The following RNF220 variants were observed in gnomAD, a reference collection of about 807,000 sequenced individuals.
RNF220 encodes the protein E3 ubiquitin-protein ligase RNF220.
RNF220 carries 7 observed loss-of-function variants against 67.1 expected under a neutral mutation model. The observed-to-expected ratio is 0.10, with a 90% CI of 0.06 to 0.20. RNF220 has a LOEUF of 0.20. RNF220 is among the 10% of genes least tolerant of loss of function. RNF220 has a pLI of 1.00. For synonymous variants in RNF220, 270 were observed against 283.2 expected (o/e 0.95, Z 0.47); for missense variants, 565 against 740.3 (o/e 0.76, Z 2.75).
chr1:44,524,403 G>C (rs1043138594), intron 2 of RNF220, among the ~76,000 whole-genome samples: 1 of 152,054 alleles, frequency 6.6e-6, no homozygotes, highest in Admixed American at 6.5e-5. Context: ...AGAGTGAAAG[G>C]CCGGTCCCTA....
chr1:44,478,829 A>G (rs1442148140), intron 2 of RNF220, among the ~76,000 whole-genome samples: 2 of 152,156 alleles, frequency 1.3e-5, no homozygotes, highest in African/African-American at 4.8e-5. Context: ...GGGGTTGAGA[A>G]TGCTCTCTGA....
At chr1:44,453,124 G>T (rs1025787800) in intron 2 of RNF220, among the ~76,000 whole-genome samples, 1 of 152,134 alleles carries the variant, frequency 6.6e-6, no homozygotes, top group South Asian at 2.1e-4. Context: ...TTTGGTTATA[G>T]TTGGTGTATA....
chr1:44,518,898 A>C (rs948728835), intron 2 of RNF220, among the ~76,000 whole-genome samples: 4 of 152,058 alleles, frequency 2.6e-5, no homozygotes, highest in East Asian at 1.9e-4. Flanking sequence ...ACAAAAAAAA[A>C]AAAACTTAAT....
At chr1:44,632,168 G>A (rs755693034) in intron 5 of RNF220, 175 bp from the exon 6 acceptor site, 16 of 1,558,974 alleles carry the variant, frequency 1.0e-5, no homozygotes, top group Admixed American at 3.8e-5. Flanking sequence ...CCGAGAGCCC[G>A]GAGCGGCCGG....
intron 2 of RNF220, among the ~76,000 whole-genome samples, chr1:44,429,655 T>A (rs1351383655): frequency 6.6e-6 from 1 of 152,042 alleles, no homozygotes; most frequent in Non-Finnish European, 1.5e-5. Context: ...AAGATGGAGG[T>A]GGGAAGATGG....
At chr1:44,439,750 C>A (rs952011695) in intron 2 of RNF220, among the ~76,000 whole-genome samples, 4 of 152,066 alleles carry the variant, frequency 2.6e-5, no homozygotes, top group African/African-American at 9.7e-5. Flanking sequence ...AGATAGTCCC[C>A]AGTTTTGGAA....
chr1:44,564,335 G>A (rs547114225), intron 2 of RNF220, among the ~76,000 whole-genome samples: 12 of 152,152 alleles, frequency 7.9e-5, no homozygotes, highest in African/African-American at 2.4e-4. Context: ...AGTTAGGTGG[G>A]GCTTTTTAAA....
chr1:44,601,575 T>C (rs1402262948), intron 2 of RNF220, among the ~76,000 whole-genome samples: 1 of 152,126 alleles, frequency 6.6e-6, no homozygotes, highest in African/African-American at 2.4e-5. Flanking sequence ...AGGATGCCTG[T>C]TCCACTGAAA....
intron 2 of RNF220, among the ~76,000 whole-genome samples, chr1:44,413,214 C>T (rs1648160698): frequency 6.6e-6 from 1 of 152,196 alleles, no homozygotes; most frequent in Non-Finnish European, 1.5e-5. Flanking sequence ...CCCTTGTCCA[C>T]ATCAGGCTAT....
At position 44,417,993 on chromosome 1, in the gene RNF220, G is replaced by C. The variant is rs958899259; in HGVS notation, c.625+5271G>C. Reference sequence around the variant, plus strand: ...GCGGCCGCACACACGAGGGCCCGTCGCGCCCCCCGCCCTGCCCCGCCTCGC... The same window carrying C: ...GCGGCCGCACACACGAGGGCCCGTCCCGCCCCCCGCCCTGCCCCGCCTCGC... On this transcript the variant is annotated intron_variant, in intron 2 of 14. Transcript: ENST00000361799. This position sits in a 1 kb window ranked among gnomAD's most constrained non-coding sequence, Gnocchi z 4.0. 9.2e-5 allele frequency among the ~76,000 whole-genome samples: 14 copies of C among 151,804 alleles called. No homozygotes were observed. The highest frequency in any genetic ancestry group is 2.7e-4 in the African/African-American group (11 of 41,340).
intron 2 of RNF220, among the ~76,000 whole-genome samples, chr1:44,449,307 A>G (rs1363513735): frequency 1.3e-5 from 2 of 152,194 alleles, no homozygotes; most frequent in Non-Finnish European, 2.9e-5. Context: ...GTTAGCTATT[A>G]TCATCCATAA....
At chr1:44,537,383 G>A (rs1199011889) in intron 2 of RNF220, among the ~76,000 whole-genome samples, 1 of 152,054 alleles carries the variant, frequency 6.6e-6, no homozygotes, top group Non-Finnish European at 1.5e-5. Context: ...CTTAATGTGT[G>A]TGTGTGTGTC....
At chr1:44,631,908 C>G (rs1314893107) in intron 5 of RNF220, 1 of 986,326 alleles carries the variant, frequency 1.0e-6, no homozygotes, top group Non-Finnish European at 1.2e-6. Flanking sequence ...TCTGTCCGGC[C>G]GCCCCCGCCG....
At chr1:44,593,011 G>A (rs370521565) in intron 2 of RNF220, among the ~76,000 whole-genome samples, 1 of 152,284 alleles carries the variant, frequency 6.6e-6, no homozygotes, top group South Asian at 2.1e-4. Context: ...TGGGGGGGAT[G>A]GGCCCAGAGC....
At chr1:44,405,706 T>C (rs1165594909) in intron 1 of RNF220, among the ~76,000 whole-genome samples, 176 bp downstream of exon 1, 1 of 151,960 alleles carries the variant, frequency 6.6e-6, no homozygotes, top group Non-Finnish European at 1.5e-5. Flanking sequence ...TCTTGGATCA[T>C]CGCGACGGAG....
chr1:44,631,933 AC>A (rs1161672512), intron 5 of RNF220: 2 of 987,872 alleles, frequency 2.0e-6, no homozygotes, highest in Non-Finnish European at 2.4e-6. Context: ...GTGAACTTTC[AC>A]CCCCAGCGCG....
At chr1:44,528,201 AC>A (rs1660547866) in intron 2 of RNF220, among the ~76,000 whole-genome samples, 1 of 152,202 alleles carries the variant, frequency 6.6e-6, no homozygotes, top group African/African-American at 2.4e-5. Context: ...TATAAAATGG[AC>A]TAAGTAATGA....
At chr1:44,406,105 C>A (rs1647303455) in intron 1 of RNF220, among the ~76,000 whole-genome samples, 1 of 152,204 alleles carries the variant, frequency 6.6e-6, no homozygotes, top group Non-Finnish European at 1.5e-5. Flanking sequence ...GAATGAGAAA[C>A]TACCCCGACA....
At chr1:44,578,872 A>G (rs1297827455) in intron 2 of RNF220, among the ~76,000 whole-genome samples, 1 of 152,194 alleles carries the variant, frequency 6.6e-6, no homozygotes, top group African/African-American at 2.4e-5. Flanking sequence ...ACAGAAAATC[A>G]TGCAATCCTC....
Sources: gnomAD v4.1 joint callset for allele counts (sites outside exome capture counted in the v4.1 genomes callset) on GRCh38, gnomAD v4.1.1 for gene constraint, Gnocchi (gnomAD v3.1) non-coding constraint, MANE v1.5 for transcripts, NCBI Gene and HGNC (gene_info 2026-07-23, HGNC 2026-07-21) for gene names.